Variants in PLPP4 observed in about 807,000 individuals in gnomAD.
PLPP4 encodes phospholipid phosphatase 4.
A neutral mutation model predicts 32.2 loss-of-function variants in PLPP4; 20 were observed. The ratio of observed to expected loss-of-function variants is 0.62; its 90% CI spans 0.44 to 0.90. The LOEUF (loss-of-function observed/expected upper bound fraction) is 0.90, where lower values mean the gene tolerates loss of function less well. Ranked by LOEUF, PLPP4 falls within the 40% of genes least tolerant of loss-of-function variation. The pLI is 0.00. For synonymous variants in PLPP4, 127 were observed against 133.0 expected, an observed-to-expected ratio of 0.95 and a Z score of 0.31; for missense variants, 257 against 353.1, an observed-to-expected ratio of 0.73 and a Z score of 2.18.
chr10:120,559,521 G>A (rs1165238419), intron 5 of PLPP4, among the ~76,000 whole-genome samples: 1 of 152,054 alleles, frequency 6.6e-6, no homozygotes, highest in Non-Finnish European at 1.5e-5. Context: ...ATCTTATGCA[G>A]GATTTCATAT....
chr10:120,547,726 G>C (rs1164451554), intron 5 of PLPP4, among the ~76,000 whole-genome samples: 1 of 152,104 alleles, frequency 6.6e-6, no homozygotes, highest in African/African-American at 2.4e-5. Flanking sequence ...GTTGGTTATA[G>C]GACCTTCAAT....
At chr10:120,523,988 C>T (rs1336907612) in intron 5 of PLPP4, among the ~76,000 whole-genome samples, 1 of 152,246 alleles carries the variant, frequency 6.6e-6, no homozygotes, top group East Asian at 1.9e-4. Context: ...CATTTTCCGA[C>T]ATGGCTGGCT....
intron 6 of PLPP4, among the ~76,000 whole-genome samples, chr10:120,579,070 G>A (rs951779251): frequency 1.3e-5 from 2 of 152,188 alleles, no homozygotes; most frequent in African/African-American, 4.8e-5. Flanking sequence ...TCAATGGAGG[G>A]TTACAACTAC....
chr10:120,544,960 G>A (rs1847542958), intron 5 of PLPP4, among the ~76,000 whole-genome samples: 1 of 152,248 alleles, frequency 6.6e-6, no homozygotes, highest in Non-Finnish European at 1.5e-5. Context: ...CATTGTCAGG[G>A]CCAGGGATTC....
At chr10:120,492,948 C>A (rs1844787025) in intron 1 of PLPP4, among the ~76,000 whole-genome samples, 1 of 152,210 alleles carries the variant, frequency 6.6e-6, no homozygotes, top group South Asian at 2.1e-4. Flanking sequence ...AAGTAACTTA[C>A]TGATACCTGA....
At chr10:120,576,035 C>G (rs986535513) in intron 6 of PLPP4, among the ~76,000 whole-genome samples, 2 of 152,114 alleles carry the variant, frequency 1.3e-5, no homozygotes, top group Non-Finnish European at 2.9e-5. Context: ...AAGGGTTTCC[C>G]AAGGGCAATC....
At chr10:120,561,804 C>T (rs969683816) in intron 5 of PLPP4, among the ~76,000 whole-genome samples, 2 of 152,188 alleles carry the variant, frequency 1.3e-5, no homozygotes, top group Non-Finnish European at 1.5e-5. Flanking sequence ...AGAAGTGACA[C>T]ATGCCAGTTA....
In PLPP4 at chr10:120,478,245, G is replaced by C. The variant is rs149902100; in HGVS notation, c.56+20884G>C. On this transcript the variant is annotated intron_variant, in intron 1 of 6. Transcript: ENST00000398250. The stretch of plus-strand genomic sequence containing the variant: ...CATTTCTCATAGTGACCCATGCCTA[G>C]GGCTGACTGTCCCACCTTCTTGTGA... Among the ~76,000 whole-genome samples the C allele has an allele frequency of 3.3e-5, 5 of 152,270 alleles. No homozygotes were observed. The East Asian group carries it at 9.7e-4, about 29-fold the overall frequency.
At chr10:120,476,023 G>T (rs181215868) in intron 1 of PLPP4, among the ~76,000 whole-genome samples, 53 of 152,294 alleles carry the variant, frequency 3.5e-4, no homozygotes, top group Non-Finnish European at 6.6e-4. Flanking sequence ...ACTGTGCCAG[G>T]CCCAGGGAAC....
At chr10:120,538,554 T>C (rs1847173801) in intron 5 of PLPP4, among the ~76,000 whole-genome samples, 1 of 152,112 alleles carries the variant, frequency 6.6e-6, no homozygotes, top group Non-Finnish European at 1.5e-5. Flanking sequence ...AGGTCACTCC[T>C]CAGCTTGAAC....
At chr10:120,524,971 C>T (rs976147478) in intron 5 of PLPP4, among the ~76,000 whole-genome samples, 4 of 152,092 alleles carry the variant, frequency 2.6e-5, no homozygotes, top group Admixed American at 2.0e-4. Context: ...AATGCTAAGT[C>T]GAGGTATTAA....
rs1460018779 is a variant in PLPP4 at position 120,575,140 on chromosome 10, C to A, written c.455C>A (p.Ser152Ter). 1.2e-6 allele frequency: 2 copies of A among 1,612,706 alleles called. No individual in the cohort carries two copies. Among genetic ancestry groups the A allele is most frequent in the Admixed American group, 3.3e-5 (2 of 59,834 alleles). Residue 152 changes from serine to a stop codon, truncating the protein, a stop_gained, in exon 6 of 7, where the codon TCG (serine) becomes TAG (stop). Coordinates refer to ENST00000398250, the MANE Select transcript of PLPP4 (RefSeq NM_001030059.3). LOFTEE classifies it high-confidence loss of function. ...TGTTTCTGTTTGGCAGTTGCCTTTT[C>A]GGGCCTTGGCTTCACGACGTTCTAC... ...FPSIHSSFAF[S>*]GLGFTTFYLA...
At chr10:120,546,065 C>A (rs920755752) in intron 5 of PLPP4, among the ~76,000 whole-genome samples, 4 of 152,130 alleles carry the variant, frequency 2.6e-5, no homozygotes, top group Non-Finnish European at 5.9e-5. Flanking sequence ...CAGGGGCTCT[C>A]GGGCCTACAG....
intron 5 of PLPP4, among the ~76,000 whole-genome samples, chr10:120,550,996 C>T (rs561077284): frequency 3.4e-4 from 51 of 152,126 alleles, no homozygotes; most frequent in African/African-American, 1.1e-3. Flanking sequence ...TCATATGTCT[C>T]AAAAGGACTT....
chr10:120,505,975 G>A (rs1442258899), intron 2 of PLPP4, among the ~76,000 whole-genome samples: 2 of 152,210 alleles, frequency 1.3e-5, no homozygotes, highest in Non-Finnish European at 2.9e-5. Context: ...TGAGAAATCT[G>A]TGGCTGTGTC....
chr10:120,485,677 A>G (rs1168241547), intron 1 of PLPP4, among the ~76,000 whole-genome samples: 1 of 152,238 alleles, frequency 6.6e-6, no homozygotes, highest in Non-Finnish European at 1.5e-5. Flanking sequence ...TGATTCATTC[A>G]TTAGGGAAAT....
At chr10:120,542,691 G>A (rs183661572) in intron 5 of PLPP4, among the ~76,000 whole-genome samples, 101 of 152,316 alleles carry the variant, frequency 6.6e-4, no homozygotes, top group African/African-American at 2.4e-3. Context: ...CTTGCACTCA[G>A]CCTACATTCT....
At chr10:120,491,061 A>C (rs563326646) in intron 1 of PLPP4, among the ~76,000 whole-genome samples, 1 of 152,068 alleles carries the variant, frequency 6.6e-6, no homozygotes, top group African/African-American at 2.4e-5. Flanking sequence ...ACTGTCCCAG[A>C]CTGCTTTCCC....
chr10:120,531,173 C>G (rs775167829), intron 5 of PLPP4, among the ~76,000 whole-genome samples: 14 of 147,160 alleles, frequency 9.5e-5, no homozygotes, highest in Non-Finnish European at 1.8e-4. Context: ...GCTGCAACCT[C>G]TGGCTCACTA....
Sources: gnomAD v4.1 joint callset for allele counts (sites outside exome capture counted in the v4.1 genomes callset) on GRCh38, gnomAD v4.1.1 for gene constraint, MANE v1.5 for transcripts, NCBI Gene and HGNC (gene_info 2026-07-23, HGNC 2026-07-21) for gene names.